The following TRIM71 variants were observed in gnomAD, a reference collection of about 807,000 sequenced individuals.
TRIM71 encodes the protein E3 ubiquitin-protein ligase TRIM71.
Under a neutral mutation model 61.2 loss-of-function variants are expected in TRIM71, and 9 were observed. That is an observed-to-expected ratio of 0.15 (90% CI 0.09 to 0.26). The LOEUF (loss-of-function observed/expected upper bound fraction) is 0.26, where lower values mean the gene tolerates loss of function less well. Ranked by LOEUF, TRIM71 falls within the 10% of genes least tolerant of loss-of-function variation. The pLI is 1.00. For missense variants in TRIM71, 998 were observed against 1,238.7 expected (o/e 0.81, Z 2.92); for synonymous variants, 645 against 553.2 (o/e 1.17, Z -2.33).
intron 2 of TRIM71, among the ~76,000 whole-genome samples, chr3:32,881,529 C>T (rs1696907208): frequency 6.6e-6 from 1 of 152,186 alleles, no homozygotes; most frequent in South Asian, 2.1e-4. Flanking sequence ...TGACTGACTG[C>T]CACTCAGTAG....
chr3:32,868,700 T>TTC (rs1696766181), intron 1 of TRIM71, among the ~76,000 whole-genome samples: 1 of 150,408 alleles, frequency 6.6e-6, no homozygotes, highest in Non-Finnish European at 1.5e-5. Flanking sequence ...TTTTTTTTTT[T>TTC]AAAAAACTGT....
At chr3:32,847,917 A>G (rs1169525279) in intron 1 of TRIM71, among the ~76,000 whole-genome samples, 1 of 152,228 alleles carries the variant, frequency 6.6e-6, no homozygotes, top group African/African-American at 2.4e-5. Context: ...AATGCAGTAT[A>G]GTTATTGACA....
At position 32,857,739 on chromosome 3, in the gene TRIM71, C is replaced by T. The variant is rs1369166103; in HGVS notation, c.853-16079C>T. On this transcript the variant is annotated intron_variant, in intron 1 of 3. Transcript: ENST00000383763. ...TAATCCCAGCACTTCAGGAGGCCGA[C>T]GCAGGTGGATCACTTGAGGTCAGGA... is the stretch of plus-strand genomic sequence containing the variant. 4.6e-5 allele frequency among the ~76,000 whole-genome samples: 7 copies of T among 152,100 alleles called. No homozygotes were observed. The East Asian group carries it at 9.7e-4, about 21-fold the overall frequency.
At chr3:32,858,960 T>TG in intron 1 of TRIM71, among the ~76,000 whole-genome samples, 1 of 152,134 alleles carries the variant, frequency 6.6e-6, no homozygotes, top group Non-Finnish European at 1.5e-5. Context: ...TTCCCATCTT[T>TG]GTGAAGTTTA....
intron 1 of TRIM71, among the ~76,000 whole-genome samples, chr3:32,822,678 A>G (rs569550579): frequency 6.6e-6 from 1 of 152,178 alleles, no homozygotes; most frequent in Non-Finnish European, 1.5e-5. Context: ...ATGTTCTTGC[A>G]TAAATTATAA....
chr3:32,818,417 G>A lies in TRIM71; in HGVS notation c.337G>A (p.Ala113Thr). Residue 113 changes from alanine to threonine, a missense_variant, in exon 1 of 4, where the codon GCC becomes ACC. Ala to Thr is a moderately conservative substitution (Grantham distance 58). Transcript: ENST00000383763. Reference protein sequence around the residue: ...AAGMDALPSSAFLLSNLLDAV... With the variant: ...AAGMDALPSSTFLLSNLLDAV... ...GGGTATGGACGCGCTGCCTTCGTCC[G>A]CCTTCCTGCTTAGCAACCTGCTCGA... The A allele has an allele frequency of 6.8e-7, 1 of 1,476,914 alleles. No homozygotes were observed. The highest frequency in any genetic ancestry group is 1.8e-4 in the Middle Eastern group (1 of 5,614). 91.5% of individuals were successfully genotyped at this position (1,476,914 alleles called of 1,614,324 possible).
Position 32,818,193 on chromosome 3 carries a change from C to G in TRIM71, c.113C>G (p.Thr38Arg), listed in dbSNP as rs747610832. The change falls in exon 1 of 4, where the codon ACG (threonine) becomes AGG (arginine). Residue 38 changes from threonine to arginine, a missense_variant. Around this residue, in one of 5 missense-constraint regions of TRIM71, gnomAD observed 527 missense variants for 427.8 expected, o/e 1.23. Coordinates refer to ENST00000383763, the MANE Select transcript of TRIM71 (RefSeq NM_001039111.3). ...TCCGCGTCGTCGTCCTCCTCGCAGA[C>G]GTCCACGTCGTCGGGGGGCGGCGGC... ...NSSASSSSSQTSTSSGGGGGG... is the reference protein window; with the variant it reads ...NSSASSSSSQRSTSSGGGGGG... 3 of 1,578,120 alleles carry G rather than the reference C, an allele frequency of 1.9e-6. No individual in the cohort carries two copies. Among genetic ancestry groups the G allele is most frequent in the Admixed American group, 1.8e-5 (1 of 55,938 alleles).
rs1365243029 is a variant in TRIM71 at position 32,826,694 on chromosome 3, C to T, written c.852+7762C>T. On this transcript the variant is annotated intron_variant, in intron 1 of 3. Coordinates refer to ENST00000383763, the MANE Select transcript of TRIM71 (RefSeq NM_001039111.3). The stretch of plus-strand genomic sequence containing the variant: ...CTCCTGACCTCAAATGGTCCACCCA[C>T]CTTGGCCTCCCAAAGTGCTGGGATT... Among the ~76,000 whole-genome samples the T allele has an allele frequency of 2.6e-5, 4 of 150,982 alleles. No homozygotes were observed. In the East Asian group the frequency reaches 7.8e-4, roughly 29 times the overall value.
chr3:32,833,046 G>T (rs772598759), intron 1 of TRIM71, among the ~76,000 whole-genome samples: 1 of 151,638 alleles, frequency 6.6e-6, no homozygotes, highest in Non-Finnish European at 1.5e-5. Flanking sequence ...TTAGTGTTAC[G>T]AACCTGTCAT....
chr3:32,834,817 G>A (rs1361863800), intron 1 of TRIM71, among the ~76,000 whole-genome samples: 1 of 152,132 alleles, frequency 6.6e-6, no homozygotes, highest in East Asian at 1.9e-4. Flanking sequence ...ACTCCAGCCT[G>A]GTGACAGAGC....
At chr3:32,888,817 G>A (rs1216641448) in intron 3 of TRIM71, among the ~76,000 whole-genome samples, 1 of 152,182 alleles carries the variant, frequency 6.6e-6, no homozygotes, top group Non-Finnish European at 1.5e-5. Flanking sequence ...GAGCCACTGT[G>A]CTGGGCCCCA....
Position 32,818,311 on chromosome 3 carries a change from G to A in TRIM71, c.231G>A (p.Ala77=). The change falls in exon 1 of 4, where the codon GCG becomes GCA. Residue 77 remains alanine (A), a synonymous_variant. Coordinates refer to ENST00000383763, the MANE Select transcript of TRIM71 (RefSeq NM_001039111.3). ...GCCTCGAGGCGCACCGGCTGCCGGC[G>A]GCGGGCGGCGGCGCGGCGGGAGAGC... The part of the protein sequence containing the change: ...RPCLEAHRLP[A]AGGGAAGEPL... 1 of 1,435,348 alleles carries A rather than the reference G, an allele frequency of 7.0e-7. No homozygotes were observed. Among genetic ancestry groups the A allele is most frequent in the Non-Finnish European group, 9.1e-7 (1 of 1,099,826 alleles). 88.9% of individuals were successfully genotyped at this position (1,435,348 alleles called of 1,614,324 possible). A position where few individuals can be genotyped will look rare whatever the true frequency, so the allele number is the denominator to read the frequency against.
At chr3:32,833,790 T>C (rs1162755489) in intron 1 of TRIM71, among the ~76,000 whole-genome samples, 5 of 151,628 alleles carry the variant, frequency 3.3e-5, no homozygotes, top group Admixed American at 6.6e-5. Context: ...GACATTTATG[T>C]AGAAATTTAA....
chr3:32,884,965 A>G (rs1389466097), intron 2 of TRIM71, among the ~76,000 whole-genome samples: 1 of 152,154 alleles, frequency 6.6e-6, no homozygotes, highest in African/African-American at 2.4e-5. Flanking sequence ...AGGAGGCCCT[A>G]AACTAACCCA....
intron 1 of TRIM71, among the ~76,000 whole-genome samples, chr3:32,838,071 GA>G (rs1337299924): frequency 6.6e-6 from 1 of 152,132 alleles, no homozygotes; most frequent in African/African-American, 2.4e-5. Flanking sequence ...CCGGGTGTTT[GA>G]GGACACAAAG....
At chr3:32,878,554 G>A (rs896072026) in intron 2 of TRIM71, among the ~76,000 whole-genome samples, 15 of 152,214 alleles carry the variant, frequency 9.9e-5, no homozygotes, top group Non-Finnish European at 1.0e-4. Context: ...GGCGGAGGTT[G>A]CAGTGAGCTG....
intron 1 of TRIM71, among the ~76,000 whole-genome samples, chr3:32,866,583 A>G (rs1696738948): frequency 6.6e-6 from 1 of 152,286 alleles, no homozygotes; most frequent in Non-Finnish European, 1.5e-5. Context: ...AGAAACACCT[A>G]GACATGGTGG....
chr3:32,824,921 A>C (rs1696183981), intron 1 of TRIM71, among the ~76,000 whole-genome samples: 1 of 151,958 alleles, frequency 6.6e-6, no homozygotes, highest in Non-Finnish European at 1.5e-5. Flanking sequence ...CAGCCTCCCA[A>C]GTAGCTGGGA....
intron 1 of TRIM71, among the ~76,000 whole-genome samples, chr3:32,868,502 T>C (rs1267376608): frequency 6.6e-6 from 1 of 152,218 alleles, no homozygotes; most frequent in Non-Finnish European, 1.5e-5. Flanking sequence ...GGTACATTCA[T>C]ATAGCAACAT....
Sources: gnomAD v4.1 joint callset for allele counts (sites outside exome capture counted in the v4.1 genomes callset) on GRCh38, gnomAD v4.1.1 for gene constraint, gnomAD v4.1.1 regional missense constraint, MANE v1.5 for transcripts, NCBI Gene and HGNC (gene_info 2026-07-23, HGNC 2026-07-21) for gene names.